Variants in ZNF346 observed in about 807,000 individuals in gnomAD.
ZNF346 encodes zinc finger protein 346.
ZNF346 carries 23 observed loss-of-function variants against 33.7 expected under a neutral mutation model. The observed-to-expected ratio is 0.68, with a 90% CI of 0.49 to 0.97. ZNF346 has a LOEUF of 0.97. Among genes scored for constraint, ZNF346 ranks in the 50% least tolerant of loss-of-function variants. The pLI is 0.00. For missense variants in ZNF346, 340 were observed against 371.1 expected (o/e 0.92, Z 0.69); for synonymous variants, 134 against 142.4 (o/e 0.94, Z 0.42).
At chr5:177,048,448 C>G (rs1780396971) in intron 4 of ZNF346, among the ~76,000 whole-genome samples, 1 of 152,068 alleles carries the variant, frequency 6.6e-6, no homozygotes, top group South Asian at 2.1e-4. Flanking sequence ...ATGGAGAAAC[C>G]CCATCTCTAC....
intron 1 of ZNF346, among the ~76,000 whole-genome samples, chr5:177,030,906 A>ATTTTTTTTTTTTTTTT (rs760757696): frequency 9.7e-6 from 1 of 103,524 alleles, no homozygotes; most frequent in Non-Finnish European, 2.0e-5. Flanking sequence ...GCTTAGTGTA[A>ATTTTTTTTTTTTTTTT]TTTTTTTTTT....
chr5:177,047,028 ATTTT>A (rs60987194), intron 4 of ZNF346, among the ~76,000 whole-genome samples: 1 of 133,948 alleles, frequency 7.5e-6, no homozygotes, highest in African/African-American at 3.1e-5. Flanking sequence ...TTTTTTATTT[ATTTT>A]TATTTATTTA....
At chr5:177,032,441 G>A (rs958481349) in intron 1 of ZNF346, among the ~76,000 whole-genome samples, 3 of 148,872 alleles carry the variant, frequency 2.0e-5, no homozygotes, top group Non-Finnish European at 3.0e-5. Flanking sequence ...ACAGAGTTTC[G>A]CCCTTGTCAC....
rs965271063 is a variant in ZNF346, at chr5:177,060,738, G to A, written c.704-1320G>A. ...CAGGAGAATCGCTTGAACCTGGGAGGCAGAGGTTGCAGGGAGCAGAGATCA... is the reference window on the plus strand; with the variant it reads ...CAGGAGAATCGCTTGAACCTGGGAGACAGAGGTTGCAGGGAGCAGAGATCA... On this transcript the variant is annotated intron_variant, in intron 5 of 6. Coordinates refer to ENST00000358149, the MANE Select transcript of ZNF346 (RefSeq NM_012279.4). Among the ~76,000 whole-genome samples the A allele has an allele frequency of 3.9e-5, 6 of 152,046 alleles. No individual in the cohort carries two copies. In the South Asian group the frequency reaches 8.3e-4, roughly 21 times the overall value.
chr5:177,035,002 TTTTTC>T (rs1159727947), intron 1 of ZNF346, among the ~76,000 whole-genome samples: 44 of 151,436 alleles, frequency 2.9e-4, no homozygotes, highest in Middle Eastern at 6.8e-3. Flanking sequence ...AGTGATTTTC[TTTTTC>T]TTTTCTTTTC....
At chr5:177,063,814 G>A (rs1411079218) in intron 6 of ZNF346, among the ~76,000 whole-genome samples, 1 of 152,126 alleles carries the variant, frequency 6.6e-6, no homozygotes, top group African/African-American at 2.4e-5. Context: ...CTTGAGCCCA[G>A]GAGTTGGAGT....
At chr5:177,031,744 T>C (rs1777729594) in intron 1 of ZNF346, among the ~76,000 whole-genome samples, 1 of 152,170 alleles carries the variant, frequency 6.6e-6, no homozygotes, top group Admixed American at 6.6e-5. Context: ...GTTAGTATGC[T>C]TGAAGTTTTT....
chr5:177,064,445 A>G, intron 6 of ZNF346, 67 bp from the exon 7 acceptor site: 4 of 1,276,810 alleles, frequency 3.1e-6, no homozygotes, highest in Non-Finnish European at 4.6e-6. Flanking sequence ...GGGCAGTGCT[A>G]TCATTGCAGT....
intron 4 of ZNF346, among the ~76,000 whole-genome samples, chr5:177,049,308 G>A (rs571827785): frequency 2.6e-5 from 4 of 152,196 alleles, no homozygotes; most frequent in Non-Finnish European, 5.9e-5. Context: ...AAGTGATACA[G>A]GTATGGAAGA....
At chr5:177,072,281 T>C (rs1439771220), downstream of ZNF346, among the ~76,000 whole-genome samples, 1 of 152,224 alleles carries the variant, frequency 6.6e-6, no homozygotes, top group Non-Finnish European at 1.5e-5. Flanking sequence ...TCCCCTTCCC[T>C]CAGGACATTT....
In ZNF346 at chr5:177,065,733, G is replaced by T. The variant is rs568262277; in HGVS notation, c.*1134G>T. The T allele has an allele frequency of 6.6e-6, 1 of 152,376 alleles. No homozygotes were observed. Among genetic ancestry groups the T allele is most frequent in the Admixed American group, 6.6e-5 (1 of 15,260 alleles). The allele number at this position is 152,376 out of a possible 1,614,324, so 9.4% of individuals were successfully genotyped here. A position where few individuals can be genotyped will look rare whatever the true frequency, so the allele number is the denominator to read the frequency against. ...GTAACCTTGAGACGAGAATTCCAAG[G>T]AGTGTCACCATCAGAGGCTTCTCTT... On this transcript the variant is annotated 3_prime_UTR_variant, in exon 7 of 7. Transcript: ENST00000358149.
intron 1 of ZNF346, among the ~76,000 whole-genome samples, chr5:177,031,205 T>C (rs1431289943): frequency 6.6e-6 from 1 of 152,108 alleles, no homozygotes; most frequent in Admixed American, 6.6e-5. Context: ...CAGCTAATTT[T>C]GTATTTTTAG....
chr5:177,042,077 A>G (rs1429003236), intron 3 of ZNF346: 1 of 461,536 alleles, frequency 2.2e-6, no homozygotes, highest in Admixed American at 3.6e-5. Flanking sequence ...TTTTAGAACT[A>G]AAATTGAGGG....
chr5:177,046,275 T>C (rs1581873796), intron 4 of ZNF346, among the ~76,000 whole-genome samples: 1 of 134,642 alleles, frequency 7.4e-6, no homozygotes, highest in African/African-American at 2.9e-5. Flanking sequence ...TACACCAGCC[T>C]GGGGGACAGA....
chr5:177,063,184 GCCACTGC>G (rs1211634149), intron 6 of ZNF346, among the ~76,000 whole-genome samples: 1 of 152,102 alleles, frequency 6.6e-6, no homozygotes, highest in Admixed American at 6.5e-5. Flanking sequence ...ACAGGCATGA[GCCACTGC>G]ACCTGGCCCC....
intron 4 of ZNF346, among the ~76,000 whole-genome samples, chr5:177,045,277 A>AT (rs994736665): frequency 6.6e-6 from 1 of 152,152 alleles, no homozygotes; most frequent in African/African-American, 2.4e-5. Context: ...AGACTACACT[A>AT]TTAGTAATAC....
chr5:177,051,396 C>T (rs1328005915), intron 5 of ZNF346, among the ~76,000 whole-genome samples: 4 of 151,766 alleles, frequency 2.6e-5, no homozygotes, highest in African/African-American at 7.3e-5. Flanking sequence ...AGGATGGTCT[C>T]GATCTCCTGA....
intron 5 of ZNF346, among the ~76,000 whole-genome samples, chr5:177,052,202 C>G (rs1245328892): frequency 6.6e-6 from 1 of 150,468 alleles, no homozygotes; most frequent in Non-Finnish European, 1.5e-5. Flanking sequence ...CAGTCTCACT[C>G]TGTCTCCCAG....
At chr5:177,057,169 G>A (rs943294124) in intron 5 of ZNF346, among the ~76,000 whole-genome samples, 1 of 151,856 alleles carries the variant, frequency 6.6e-6, no homozygotes, top group Non-Finnish European at 1.5e-5. Flanking sequence ...AAAATTAGCC[G>A]GGTGTGGTGG....
Sources: allele counts gnomAD v4.1 joint callset (sites outside exome capture counted in the v4.1 genomes callset), GRCh38; gene constraint gnomAD v4.1.1; transcripts MANE v1.5; gene names NCBI Gene and HGNC (gene_info 2026-07-23, HGNC 2026-07-21).